The following PCDHA9 variants were observed in gnomAD, a reference collection of about 807,000 sequenced individuals.
PCDHA9 encodes protocadherin alpha 9.
A neutral mutation model predicts 62.0 loss-of-function variants in PCDHA9; 62 were observed. That is an observed-to-expected ratio of 1.00 (90% CI 0.81 to 1.23). PCDHA9 has a LOEUF of 1.23. PCDHA9 is among the 50% of genes most tolerant of loss of function. The pLI, the probability that PCDHA9 is intolerant of heterozygous loss-of-function variation, is 0.00. For synonymous variants in PCDHA9, 557 were observed against 567.6 expected (o/e 0.98, Z 0.27); for missense variants, 1,205 against 1,249.8 (o/e 0.96, Z 0.54).
intron 1 of PCDHA9, among the ~76,000 whole-genome samples, chr5:140,904,121 T>G (rs1554191284): frequency 6.6e-6 from 1 of 152,194 alleles, no homozygotes; most frequent in Non-Finnish European, 1.5e-5. Flanking sequence ...GAGATTTTGG[T>G]GCACCCATCA....
chr5:140,854,688 G>A (rs1468709591), intron 1 of PCDHA9: 2 of 149,770 alleles, frequency 1.3e-5, no homozygotes, highest in Non-Finnish European at 3.0e-5. Context: ...TATGTCTGTT[G>A]TTAAGTTTTC....
chr5:140,957,523 T>G (rs987363578), intron 1 of PCDHA9, among the ~76,000 whole-genome samples: 1 of 152,156 alleles, frequency 6.6e-6, no homozygotes, highest in African/African-American at 2.4e-5. Context: ...TTTCAGACAT[T>G]CAGTGGGGAT....
intron 1 of PCDHA9, among the ~76,000 whole-genome samples, chr5:140,906,069 T>C (rs2072342341): frequency 6.6e-6 from 1 of 152,204 alleles, no homozygotes; most frequent in African/African-American, 2.4e-5. Flanking sequence ...GCTGATTAGA[T>C]CGCACCCACC....
chr5:140,942,540 G>T (rs1013086382), intron 1 of PCDHA9, among the ~76,000 whole-genome samples: 52 of 152,164 alleles, frequency 3.4e-4, no homozygotes, highest in African/African-American at 1.1e-3. Flanking sequence ...TCAGTATGGT[G>T]GGGGGTAGGG....
intron 1 of PCDHA9, chr5:140,929,409 T>G: frequency 6.6e-7 from 1 of 1,506,206 alleles, no homozygotes; most frequent in Non-Finnish European, 8.9e-7. Context: ...GACAAGCCTT[T>G]CACAACATTT....
intron 2 of PCDHA9, 179 bp from the exon 3 acceptor site, chr5:140,982,296 C>G (rs886254601): frequency 8.6e-7 from 1 of 1,167,014 alleles, no homozygotes; most frequent in African/African-American, 1.5e-5. Context: ...AGTAAGTCAG[C>G]AATGCTTCTG....
intron 3 of PCDHA9, among the ~76,000 whole-genome samples, chr5:141,007,315 C>A (rs1207897662): frequency 1.3e-5 from 2 of 148,308 alleles, no homozygotes; most frequent in Admixed American, 1.4e-4. Flanking sequence ...TTTTGGGAGG[C>A]TAAAGTGGAC....
chr5:140,946,886 C>G (rs1304455156), intron 1 of PCDHA9, among the ~76,000 whole-genome samples: 1 of 151,128 alleles, frequency 6.6e-6, no homozygotes, highest in African/African-American at 2.4e-5. Context: ...TACGAAGTTA[C>G]AATTAGATAG....
intron 2 of PCDHA9, 129 bp from the exon 3 acceptor site, chr5:140,982,346 G>A: frequency 1.3e-6 from 2 of 1,492,346 alleles, no homozygotes; most frequent in South Asian, 2.7e-5. Context: ...AATTGCTTCA[G>A]TTCAAGCATG....
chr5:140,851,679 C>A, intron 1 of PCDHA9: 1 of 915,664 alleles, frequency 1.1e-6, no homozygotes, highest in Non-Finnish European at 1.3e-6. Context: ...AAATTTTCTC[C>A]ATTCAGTGAT....
chr5:140,861,728 A>G (rs2047042358), intron 1 of PCDHA9: 1 of 191,386 alleles, frequency 5.2e-6, no homozygotes, highest in Non-Finnish European at 1.1e-5. Context: ...TGCTCTGATG[A>G]CTTACATACT....
chr5:140,862,315 C>T, intron 1 of PCDHA9: 1 of 317,364 alleles, frequency 3.2e-6, no homozygotes, highest in Non-Finnish European at 6.2e-6. Context: ...CCGTCATAGC[C>T]CTAATCAGTG....
At chr5:140,909,312 A>AT (rs1365428416) in intron 1 of PCDHA9, among the ~76,000 whole-genome samples, 1 of 152,244 alleles carries the variant, frequency 6.6e-6, no homozygotes, top group Non-Finnish European at 1.5e-5. Context: ...AGAAAAAGGC[A>AT]TTTGCCAAAT....
intron 1 of PCDHA9, among the ~76,000 whole-genome samples, chr5:140,914,110 A>G (rs889499995): frequency 6.6e-6 from 1 of 152,168 alleles, no homozygotes; most frequent in Non-Finnish European, 1.5e-5. Flanking sequence ...GTGCAGATTA[A>G]GTCTGATGTT....
intron 1 of PCDHA9, chr5:140,877,954 T>C: frequency 7.5e-7 from 1 of 1,334,236 alleles, no homozygotes; most frequent in Non-Finnish European, 9.8e-7. Context: ...ATCGAATGTC[T>C]CATCTTTCTT....
intron 3 of PCDHA9, among the ~76,000 whole-genome samples, chr5:140,986,316 C>T (rs1407067646): frequency 2.0e-5 from 3 of 152,146 alleles, no homozygotes; most frequent in African/African-American, 7.2e-5. Context: ...TTAGCTAAAT[C>T]AGGAATGCAG....
intron 1 of PCDHA9, chr5:140,852,540 T>C (rs2042365711): frequency 9.3e-6 from 5 of 536,720 alleles, no homozygotes; most frequent in Non-Finnish European, 1.2e-5. Flanking sequence ...CCTCCCAAAG[T>C]GCTGGGATTA....
In PCDHA9 at chr5:140,849,224, C is replaced by G; in HGVS notation, c.729C>G (p.Asp243Glu). The G allele has an allele frequency of 1.9e-6, 2 of 1,040,424 alleles. 1 individual carries two copies. The allele number at this position is 1,040,424 out of a possible 1,614,324, so 64.4% of individuals were successfully genotyped here. A position where few individuals can be genotyped will look rare whatever the true frequency, so the allele number is the denominator to read the frequency against. Residue 243 changes from aspartate (D) to glutamate (E), a missense_variant, in exon 1 of 4, where the codon GAC becomes GAG. This residue lies in a region of PCDHA9 where 110 missense variants were observed against 227.2 expected (regional missense o/e 0.48). Coordinates refer to ENST00000532602, the MANE Select transcript of PCDHA9 (RefSeq NM_031857.2). ...ACAATGACAATGCCCCAGTGTTCGACAGAACCCTGTATACGGTGAAATTAC... is the reference window on the plus strand; with the variant it reads ...ACAATGACAATGCCCCAGTGTTCGAGAGAACCCTGTATACGGTGAAATTAC... ...LDNNDNAPVF[D>E]RTLYTVKLPE...
chr5:140,882,024 G>A lies in PCDHA9; in HGVS notation c.2394+31135G>A, dbSNP rs4151690. On this transcript the variant is annotated intron_variant, in intron 1 of 3. Transcript: ENST00000532602. ...AGGGGCAAAAAAATACTACATCAAT[G>A]GAAAATATGAAGACTGAGTCATACT... is the stretch of plus-strand genomic sequence containing the variant. 118 of 580,388 alleles carry A rather than the reference G, an allele frequency of 2.0e-4. 2 individuals carry two copies. The highest frequency in any genetic ancestry group is 1.6e-3 in the East Asian group (53 of 32,696). The allele number at this position is 580,388 out of a possible 1,614,324, so 36.0% of individuals were successfully genotyped here. A position where few individuals can be genotyped will look rare whatever the true frequency, so the allele number is the denominator to read the frequency against.
Sources: allele counts gnomAD v4.1 joint callset (sites outside exome capture counted in the v4.1 genomes callset), GRCh38; gene constraint gnomAD v4.1.1; regional missense constraint gnomAD v4.1.1; transcripts MANE v1.5; gene names NCBI Gene and HGNC (gene_info 2026-07-23, HGNC 2026-07-21).